The following SYT1 variants were observed in gnomAD, a reference collection of about 807,000 sequenced individuals.
The protein encoded by SYT1 is synaptotagmin-1.
In SYT1, 8 loss-of-function variants were observed where a neutral mutation model predicts 44.8. The observed-to-expected ratio is 0.18, with a 90% CI of 0.10 to 0.32. The LOEUF is 0.32. Ranked by LOEUF, SYT1 falls within the 10% of genes least tolerant of loss-of-function variation. SYT1 has a pLI of 1.00. For synonymous variants in SYT1, 154 were observed against 188.8 expected (o/e 0.82, Z 1.51); for missense variants, 286 against 509.3 (o/e 0.56, Z 4.22).
At chr12:79,009,426 G>A (rs1047915380) in intron 2 of SYT1, among the ~76,000 whole-genome samples, 1 of 152,074 alleles carries the variant, frequency 6.6e-6, no homozygotes, top group South Asian at 2.1e-4. Context: ...ATAATCTTTG[G>A]TTGTCTGCAT....
At chr12:79,294,028 C>CA (rs1208961361) in intron 6 of SYT1, among the ~76,000 whole-genome samples, 1 of 151,882 alleles carries the variant, frequency 6.6e-6, no homozygotes, top group East Asian at 1.9e-4. Context: ...ACATATTTTC[C>CA]AAAAATTTAA....
chr12:78,885,200 G>A (rs1293666183), intron 1 of SYT1, among the ~76,000 whole-genome samples: 1 of 151,198 alleles, frequency 6.6e-6, no homozygotes, highest in East Asian at 2.0e-4. Flanking sequence ...TTTCAGTGGG[G>A]GCAGAAAAAT....
At chr12:79,282,564 G>A (rs1233653448) in intron 4 of SYT1, among the ~76,000 whole-genome samples, 1 of 152,028 alleles carries the variant, frequency 6.6e-6, no homozygotes, top group Non-Finnish European at 1.5e-5. Flanking sequence ...ATTTTGATGA[G>A]ACTATTTTTG....
intron 4 of SYT1, among the ~76,000 whole-genome samples, chr12:79,247,143 A>G (rs1876897984): frequency 6.6e-6 from 1 of 152,214 alleles, no homozygotes; most frequent in South Asian, 2.1e-4. Flanking sequence ...TTTAGTGATG[A>G]GTTTATCACC....
At chr12:79,125,516 T>G (rs1052016223) in intron 3 of SYT1, among the ~76,000 whole-genome samples, 1 of 145,460 alleles carries the variant, frequency 6.9e-6, no homozygotes, top group Non-Finnish European at 1.5e-5. Flanking sequence ...ACATGGGAGG[T>G]GGCTGAGGTG....
chr12:79,174,502 A>G (rs1220425271), intron 3 of SYT1, among the ~76,000 whole-genome samples: 1 of 152,052 alleles, frequency 6.6e-6, no homozygotes, highest in Non-Finnish European at 1.5e-5. Context: ...AGAATTTATT[A>G]CAATGTGCAA....
At chr12:79,179,087 G>T (rs866679605) in intron 3 of SYT1, among the ~76,000 whole-genome samples, 12 of 108,208 alleles carry the variant, frequency 1.1e-4, no homozygotes, top group African/African-American at 4.2e-4. Flanking sequence ...TATAGATATA[G>T]ATATATAGAT....
At chr12:79,403,896 A>ACT (rs1283515177) in intron 9 of SYT1, among the ~76,000 whole-genome samples, 1 of 152,076 alleles carries the variant, frequency 6.6e-6, no homozygotes, top group Non-Finnish European at 1.5e-5. Flanking sequence ...TTTGAAAACA[A>ACT]CTCTCTTAGA....
chr12:78,908,846 T>G (rs1876144780), intron 1 of SYT1, among the ~76,000 whole-genome samples: 1 of 151,892 alleles, frequency 6.6e-6, no homozygotes, highest in Non-Finnish European at 1.5e-5. Context: ...AATCAAATAT[T>G]TTTTTTACTT....
intron 9 of SYT1, among the ~76,000 whole-genome samples, chr12:79,423,455 C>T (rs1287888739): frequency 6.6e-6 from 1 of 152,092 alleles, no homozygotes; most frequent in Admixed American, 6.6e-5. Flanking sequence ...AAGTATAAGA[C>T]AGCTGTGAAG....
At chr12:78,956,072 G>A (rs1007082329) in intron 1 of SYT1, among the ~76,000 whole-genome samples, 1 of 151,954 alleles carries the variant, frequency 6.6e-6, no homozygotes, top group African/African-American at 2.4e-5. Context: ...TGCAGTATGA[G>A]GGTGCTTTAC....
At chr12:79,429,229 C>T (rs140773341) in intron 9 of SYT1, among the ~76,000 whole-genome samples, 9 of 152,180 alleles carry the variant, frequency 5.9e-5, no homozygotes, top group African/African-American at 1.4e-4. Context: ...GTTTTTGAAA[C>T]GGAGTCTCGC....
At chr12:78,867,491 T>TA (rs1352387956) in intron 1 of SYT1, among the ~76,000 whole-genome samples, 1 of 152,072 alleles carries the variant, frequency 6.6e-6, no homozygotes, top group Non-Finnish European at 1.5e-5. Context: ...AGGAAATTCT[T>TA]ACTTTGTTAT....
At chr12:79,420,653 G>A (rs1421949218) in intron 9 of SYT1, among the ~76,000 whole-genome samples, 1 of 152,066 alleles carries the variant, frequency 6.6e-6, no homozygotes, top group Non-Finnish European at 1.5e-5. Context: ...GTTCAAAGTA[G>A]CACAAGAGAG....
chr12:79,233,174 C>G (rs1239395515), intron 4 of SYT1, among the ~76,000 whole-genome samples: 1 of 152,198 alleles, frequency 6.6e-6, no homozygotes, highest in African/African-American at 2.4e-5. Context: ...TCCAGCTAAA[C>G]AGTGTCCTCA....
At chr12:78,872,428 T>C (rs1873869946) in intron 1 of SYT1, among the ~76,000 whole-genome samples, 1 of 151,824 alleles carries the variant, frequency 6.6e-6, no homozygotes, top group Admixed American at 6.6e-5. Context: ...GCAACAGTTT[T>C]ATTTCTCTTG....
chr12:79,144,654 C>A (rs1869766437), intron 3 of SYT1, among the ~76,000 whole-genome samples: 1 of 152,186 alleles, frequency 6.6e-6, no homozygotes, highest in Non-Finnish European at 1.5e-5. Context: ...CTAGGAAGAC[C>A]AGAATACCTC....
chr12:79,380,236 A>C (rs962892620), intron 9 of SYT1, among the ~76,000 whole-genome samples: 2 of 152,216 alleles, frequency 1.3e-5, no homozygotes, highest in Admixed American at 1.3e-4. Context: ...GAAAATATTA[A>C]CTGCAGAAAC....
In SYT1 at chr12:79,205,186, T is replaced by C. The variant is rs187716583; in HGVS notation, c.-17-12317T>C. ...ACCGTGTTAGCCAGGATGGTCTCAA[T>C]CTCCTGACCTCGTGATCTGCCCGCC... On this transcript the variant is annotated intron_variant, in intron 3 of 10. Coordinates refer to ENST00000261205, the MANE Select transcript of SYT1 (RefSeq NM_005639.3). 2.9e-3 allele frequency among the ~76,000 whole-genome samples: 440 copies of C among 152,074 alleles called. 3 individuals carry two copies. Among genetic ancestry groups the C allele is most frequent in the African/African-American group, 1.0e-2 (415 of 41,510 alleles).
Sources: allele counts gnomAD v4.1 joint callset (sites outside exome capture counted in the v4.1 genomes callset), GRCh38; gene constraint gnomAD v4.1.1; transcripts MANE v1.5; gene names NCBI Gene and HGNC (gene_info 2026-07-23, HGNC 2026-07-21).